The following CD163L1 variants were observed in gnomAD, a reference collection of about 807,000 sequenced individuals.
CD163L1 encodes CD163 molecule like 1, also known as scavenger receptor cysteine-rich type 1 protein M160.
CD163L1 carries 124 observed loss-of-function variants against 165.4 expected under a neutral mutation model. The observed-to-expected ratio is 0.75, with a 90% CI of 0.65 to 0.87. The LOEUF (loss-of-function observed/expected upper bound fraction) is 0.87. Ranked by LOEUF, CD163L1 falls within the 40% of genes least tolerant of loss-of-function variation. The probability of loss-of-function intolerance (pLI) is 0.00; values close to 1 mark genes in which losing one functional copy is unlikely to be tolerated. For synonymous variants in CD163L1, 585 were observed against 662.2 expected (o/e 0.88, Z 1.79); for missense variants, 1,525 against 1,799.9 (o/e 0.85, Z 2.76).
chr12:7,367,158 G>T, intron 18 of CD163L1, 78 bp downstream of exon 18: 1 of 770,224 alleles, frequency 1.3e-6, no homozygotes, highest in South Asian at 2.0e-5. Flanking sequence ...TCCATCGAGT[G>T]GGAGTTCCTA....
downstream of CD163L1, among the ~76,000 whole-genome samples, chr12:7,345,181 A>G (rs1946661207): frequency 6.6e-6 from 1 of 150,546 alleles, no homozygotes; most frequent in Non-Finnish European, 1.5e-5. Flanking sequence ...AAATTATCTG[A>G]ACTTTTATGC....
intron 9 of CD163L1, among the ~76,000 whole-genome samples, chr12:7,377,572 C>T (rs1230450193): frequency 1.3e-5 from 2 of 152,186 alleles, no homozygotes; most frequent in Non-Finnish European, 2.9e-5. Context: ...CCATTTCCTT[C>T]TCAACTTGAA....
the CD163L1 span, chr12:7,322,421 T>C: frequency 2.5e-6 from 4 of 1,613,586 alleles, no homozygotes; most frequent in Admixed American, 3.3e-5. Context: ...TCTCCAGATA[T>C]AAATTCAAGA....
intron 6 of CD163L1, among the ~76,000 whole-genome samples, chr12:7,402,413 T>A (rs1226699493): frequency 6.6e-6 from 1 of 152,072 alleles, no homozygotes; most frequent in African/African-American, 2.4e-5. Flanking sequence ...TCATTCTTCA[T>A]TTATCCTATA....
chr12:7,375,411 T>C lies in CD163L1; in HGVS notation c.2871A>G (p.Glu957=). Residue 957 remains glutamate, a synonymous_variant, in exon 11 of 20, where the codon GAA becomes GAG. Transcript: ENST00000313599. ...TGTGTCCCCACACACGAACACTTCT[T>C]TCTCCAATATATTTTCCTCCTGTGG... ...LSTTGGKYIG[E]RSVRVWGHRF... The C allele has an allele frequency of 6.2e-7, 1 of 1,614,158 alleles. No homozygotes were observed. Among genetic ancestry groups the C allele is most frequent in the Non-Finnish European group, 8.5e-7 (1 of 1,180,032 alleles).
intron 6 of CD163L1, among the ~76,000 whole-genome samples, chr12:7,403,063 G>C (rs971348828): frequency 6.6e-6 from 1 of 151,816 alleles, no homozygotes; most frequent in Non-Finnish European, 1.5e-5. Context: ...CATTCTAGAT[G>C]CTTACAGAAT....
rs761187887 is a variant in CD163L1, at chr12:7,398,875, A to G, written c.1409-291T>C. 1.3e-5 allele frequency among the ~76,000 whole-genome samples: 2 copies of G among 152,298 alleles called. No individual in the cohort carries two copies. The highest frequency in any genetic ancestry group is 3.9e-4 in the East Asian group (2 of 5,178). On this transcript the variant is annotated intron_variant, in intron 6 of 19. Transcript: ENST00000313599. The surrounding 1 kb of genome is among the most constrained non-coding windows in gnomAD (Gnocchi z 4.5). ...GATTTGGATAAGATGAGCAACGTGG[A>G]AGCATGCAGAGAAGTTCTTTGAGGT...
chr12:7,411,380 T>C (rs1311053572), intron 4 of CD163L1, among the ~76,000 whole-genome samples: 2 of 152,318 alleles, frequency 1.3e-5, no homozygotes, highest in South Asian at 2.1e-4. Flanking sequence ...CCTCCGAATC[T>C]GAGGTTGAAA....
the CD163L1 span, chr12:7,328,216 C>T: frequency 8.4e-7 from 1 of 1,192,018 alleles, no homozygotes; most frequent in Non-Finnish European, 1.2e-6. Context: ...TCCATGCAAG[C>T]TCCTTCCTAT....
At chr12:7,410,068 T>C (rs926262487) in intron 4 of CD163L1, among the ~76,000 whole-genome samples, 2 of 151,830 alleles carry the variant, frequency 1.3e-5, no homozygotes, top group South Asian at 4.2e-4. Flanking sequence ...ATAAACCAAA[T>C]GAAGGTTCTA....
In CD163L1 at chr12:7,398,440, C is replaced by CCCAA. The variant is rs754172518; in HGVS notation, c.1549_1552dup (p.Gly518ValfsTer16). 2 of 1,614,104 alleles carry CCCAA rather than the reference C, an allele frequency of 1.2e-6. No homozygotes were observed. Among genetic ancestry groups the CCCAA allele is most frequent in the South Asian group, 2.2e-5 (2 of 91,066 alleles). ...AAACACATGCAAAGGCTTTCCACATCCCAATTGTTTACAAACAACAGCTGC... is the reference window on the plus strand; with the variant it reads ...AAACACATGCAAAGGCTTTCCACATCCCAACCAATTGTTTACAAACAACAGCTGC... On this transcript the variant is annotated frameshift_variant, in exon 7 of 20. Transcript: ENST00000313599. LOFTEE classifies it high-confidence loss of function. The surrounding 1 kb of genome is among the most constrained non-coding windows in gnomAD (Gnocchi z 4.5).
At chr12:7,324,562 G>A in the CD163L1 span, 16 of 1,613,906 alleles carry the variant, frequency 9.9e-6, no homozygotes, top group Middle Eastern at 1.6e-4. Context: ...TTGTTGAATC[G>A]GCTGTTGTCA....
At chr12:7,433,332 G>T (rs746454489) in intron 3 of CD163L1, 42 bp downstream of exon 3, 9 of 1,515,030 alleles carry the variant, frequency 5.9e-6, no homozygotes, top group Middle Eastern at 3.5e-4. Context: ...GATTCCTGAG[G>T]GTAGGTCTTA....
chr12:7,402,097 T>C (rs1947925536), intron 6 of CD163L1, among the ~76,000 whole-genome samples: 1 of 151,938 alleles, frequency 6.6e-6, no homozygotes, highest in South Asian at 2.1e-4. Context: ...TTCTTGAATA[T>C]AAGATATATG....
chr12:7,351,246 T>C (rs1946705066), downstream of CD163L1, among the ~76,000 whole-genome samples: 1 of 152,174 alleles, frequency 6.6e-6, no homozygotes, highest in African/African-American at 2.4e-5. Flanking sequence ...TGTGTATGTA[T>C]GTCTATTTTT....
chr12:7,334,059 G>A, the CD163L1 span, among the ~76,000 whole-genome samples: 5 of 146,296 alleles, frequency 3.4e-5, no homozygotes, highest in Non-Finnish European at 7.6e-5. Context: ...TCTACCAGAG[G>A]TACAAGGAGG....
rs747414973 is a variant in CD163L1, at chr12:7,358,196, T to C, written c.4280-710A>G. ...CAGAAACCACTGTGGAAATCAGTAA[T>C]GGGGTAGGGAAATCTAAACTGTAAT... On this transcript the variant is annotated intron_variant, in intron 18 of 19. Coordinates refer to ENST00000313599, the MANE Select transcript of CD163L1 (RefSeq NM_174941.6). 2.6e-5 allele frequency among the ~76,000 whole-genome samples: 4 copies of C among 152,172 alleles called. No individual in the cohort carries two copies. The East Asian group carries it at 7.7e-4, about 29-fold the overall frequency.
chr12:7,374,655 C>T lies in CD163L1; in HGVS notation c.3196G>A (p.Asp1066Asn). The stretch of plus-strand genomic sequence containing the variant: ...CACACCACGTGGGCATCGCTCAGGT[C>T]CCAGCCGTCATCACAGATGGTGCCC... ...FWGTICDDGWDLSDAHVVCQK... is the reference protein window; with the variant it reads ...FWGTICDDGWNLSDAHVVCQK... Residue 1066 changes from aspartate (D) to asparagine (N), a missense_variant, in exon 13 of 20, where the codon GAC becomes AAC. By Grantham distance (23) the Asp-to-Asn change is conservative. Coordinates refer to ENST00000313599, the MANE Select transcript of CD163L1 (RefSeq NM_174941.6). This position sits in a 1 kb window ranked among gnomAD's most constrained non-coding sequence, Gnocchi z 5.4. 6.2e-7 allele frequency: 1 copy of T among 1,614,236 alleles called. No individual in the cohort carries two copies. The highest frequency in any genetic ancestry group is 1.1e-5 in the South Asian group (1 of 91,090).
intron 2 of CD163L1, chr12:7,440,013 GGAAAACCCGCTGC>G: frequency 6.8e-7 from 1 of 1,461,368 alleles, no homozygotes. Flanking sequence ...AAACCGCCGA[GGAAAACCCGCTGC>G]GACACACACC....
Sources: allele counts gnomAD v4.1 joint callset (sites outside exome capture counted in the v4.1 genomes callset), GRCh38; gene constraint gnomAD v4.1.1; non-coding constraint Gnocchi (gnomAD v3.1); transcripts MANE v1.5; gene names NCBI Gene and HGNC (gene_info 2026-07-23, HGNC 2026-07-21).